The following ITGAV variants were observed in gnomAD, a reference collection of about 807,000 sequenced individuals.
ITGAV encodes integrin subunit alpha V.
In ITGAV, 76 loss-of-function variants were observed where a neutral mutation model predicts 143.8. The ratio of observed to expected loss-of-function variants is 0.53; its 90% CI spans 0.44 to 0.64. The LOEUF (loss-of-function observed/expected upper bound fraction) is 0.64. Among genes scored for constraint, ITGAV ranks in the 30% least tolerant of loss-of-function variants. The pLI is 0.00. For missense variants in ITGAV, 1,193 were observed against 1,274.7 expected, an observed-to-expected ratio of 0.94 and a Z score of 0.98; for synonymous variants, 453 against 446.7, an observed-to-expected ratio of 1.01 and a Z score of -0.18.
intron 4 of ITGAV, 114 bp from the exon 5 acceptor site, chr2:186,630,683 A>G (rs1238971388): frequency 1.6e-6 from 1 of 623,954 alleles, no homozygotes. Flanking sequence ...GTGAATGACC[A>G]CTCTCAAAAA....
chr2:186,590,627 T>A, intron 1 of ITGAV, 104 bp downstream of exon 1: 1 of 1,081,134 alleles, frequency 9.2e-7, no homozygotes, highest in South Asian at 1.6e-5. Context: ...CCGGCGTCTG[T>A]CTGTCTCACC....
chr2:186,619,032 G>C (rs563027509), intron 2 of ITGAV, among the ~76,000 whole-genome samples: 1 of 151,378 alleles, frequency 6.6e-6, no homozygotes, highest in Non-Finnish European at 1.5e-5. Context: ...AATGGATAAA[G>C]AAAACATGGT....
chr2:186,656,363 G>A lies in ITGAV; in HGVS notation c.1681G>A (p.Gly561Arg). The change falls in exon 17 of 30, where the codon GGA becomes AGA. Residue 561 changes from glycine (G) to arginine (R), a missense_variant. Physicochemically the swap from Gly to Arg is moderately radical, Grantham distance 125. Transcript: ENST00000261023. Reference sequence around the variant, plus strand: ...CAAGAACATGACTATTTCAAGGGGGGGACTGATGCAGTGTGAGGAATTGAT... The same window carrying A: ...CAAGAACATGACTATTTCAAGGGGGAGACTGATGCAGTGTGAGGAATTGAT... ...HSKNMTISRG[G>R]LMQCEELIAY... 1.9e-6 allele frequency: 3 copies of A among 1,549,282 alleles called. No individual in the cohort carries two copies. The highest frequency in any genetic ancestry group is 2.6e-6 in the Non-Finnish European group (3 of 1,155,012).
chr2:186,648,505 C>T (rs560731293), intron 13 of ITGAV, among the ~76,000 whole-genome samples: 38 of 152,298 alleles, frequency 2.5e-4, no homozygotes, highest in Non-Finnish European at 4.9e-4. Context: ...CGCTCTGTTA[C>T]CCAGGCTGGA....
chr2:186,650,269 C>T (rs905910992), intron 14 of ITGAV, among the ~76,000 whole-genome samples: 16 of 152,160 alleles, frequency 1.1e-4, no homozygotes, highest in African/African-American at 3.4e-4. Context: ...GGGACCATCT[C>T]GGCTCCCTGA....
chr2:186,664,885 A>G lies in ITGAV; in HGVS notation c.2074-241A>G, dbSNP rs187294488. 1.8e-3 allele frequency among the ~76,000 whole-genome samples: 268 copies of G among 152,304 alleles called. 1 individual carries two copies. The highest frequency in any genetic ancestry group is 6.0e-3 in the African/African-American group (250 of 41,574). On this transcript the variant is annotated intron_variant, in intron 20 of 29. Transcript: ENST00000261023. ...ACAAGGTTAGATAGATAAAGTGTCT[A>G]AGCCTGTCCATCAAATTATTTGTCA...
intron 2 of ITGAV, among the ~76,000 whole-genome samples, chr2:186,620,243 CTT>C (rs903906951): frequency 6.6e-6 from 1 of 152,132 alleles, no homozygotes; most frequent in African/African-American, 2.4e-5. Context: ...ATGATTATCT[CTT>C]GTGTTAGAGA....
intron 2 of ITGAV, among the ~76,000 whole-genome samples, 174 bp downstream of exon 2, chr2:186,602,325 G>A (rs1686933380): frequency 6.6e-6 from 1 of 151,974 alleles, no homozygotes; most frequent in Non-Finnish European, 1.5e-5. Flanking sequence ...TACAATTTTT[G>A]TGGTAGATGA....
intron 1 of ITGAV, among the ~76,000 whole-genome samples, chr2:186,594,722 T>C (rs1686700639): frequency 6.6e-6 from 1 of 152,256 alleles, no homozygotes; most frequent in African/African-American, 2.4e-5. Context: ...CCAACCTGTG[T>C]GTATTTTTAA....
At position 186,590,245 on chromosome 2, in the gene ITGAV, C is replaced by T. The variant is rs1001799031; in HGVS notation, c.-94C>T. 20 of 1,127,414 alleles carry T rather than the reference C, an allele frequency of 1.8e-5. No individual in the cohort carries two copies. The Admixed American group carries it at 5.5e-4, about 31-fold the overall frequency. The allele number at this position is 1,127,414 out of a possible 1,614,324, so 69.8% of individuals were successfully genotyped here. A position where few individuals can be genotyped will look rare whatever the true frequency, so the allele number is the denominator to read the frequency against. ...AGAGAGCGGCCGGCAAGTTTGGGCG[C>T]GCGCAGGCGGCGGGCCGCGGGCACT... is the stretch of plus-strand genomic sequence containing the variant. On this transcript the variant is annotated 5_prime_UTR_variant, in exon 1 of 30. Transcript: ENST00000261023.
intron 1 of ITGAV, among the ~76,000 whole-genome samples, chr2:186,591,989 G>A (rs894469414): frequency 6.6e-6 from 1 of 152,082 alleles, no homozygotes; most frequent in Non-Finnish European, 1.5e-5. Flanking sequence ...AATACCAAAC[G>A]TTATCTTTAA....
intron 8 of ITGAV, 140 bp from the exon 9 acceptor site, chr2:186,638,137 G>A (rs901811784): frequency 2.0e-5 from 14 of 690,296 alleles, no homozygotes; most frequent in East Asian, 5.4e-5. Context: ...TATTTATTAC[G>A]GAGTACCAAT....
chr2:186,667,930 T>A (rs1322652617), intron 24 of ITGAV, 154 bp downstream of exon 24: 3 of 391,444 alleles, frequency 7.7e-6, no homozygotes, highest in Non-Finnish European at 1.4e-5. Flanking sequence ...ATTTTCCCTA[T>A]ACATAAATTC....
At chr2:186,647,193 AT>A (rs1054089171) in intron 13 of ITGAV, among the ~76,000 whole-genome samples, 2 of 150,772 alleles carry the variant, frequency 1.3e-5, no homozygotes, top group African/African-American at 4.9e-5. Context: ...TATCTTTTTT[AT>A]TTTTTTAATT....
At chr2:186,659,217 T>G in intron 18 of ITGAV, 42 bp downstream of exon 18, 1 of 1,344,906 alleles carries the variant, frequency 7.4e-7, no homozygotes, top group Non-Finnish European at 9.8e-7. Flanking sequence ...TTTTGTTATT[T>G]TTTTTTACAA....
chr2:186,636,944 G>T (rs1344700142), intron 7 of ITGAV, 121 bp from the exon 8 acceptor site: 1 of 769,208 alleles, frequency 1.3e-6, no homozygotes, highest in Non-Finnish European at 2.3e-6. Context: ...ATGACTAGGG[G>T]ACAAAATATT....
At chr2:186,654,527 CATG>C in intron 15 of ITGAV, 120 bp from the exon 16 acceptor site, 1 of 537,416 alleles carries the variant, frequency 1.9e-6, no homozygotes, top group Non-Finnish European at 3.3e-6. Flanking sequence ...AATATTAAGA[CATG>C]AAGAAAGATG....
In ITGAV at chr2:186,678,231, G is replaced by A. The variant is rs199555239; in HGVS notation, c.*939G>A. 6.5e-6 allele frequency: 1 copy of A among 152,796 alleles called. No individual in the cohort carries two copies. Among genetic ancestry groups the A allele is most frequent in the Non-Finnish European group, 1.5e-5 (1 of 68,438 alleles). 9.5% of individuals were successfully genotyped at this position (152,796 alleles called of 1,614,324 possible). A position where few individuals can be genotyped will look rare whatever the true frequency, so the allele number is the denominator to read the frequency against. ...ATATAGTAAGTATTACATTCTTAGA[G>A]TAGAGCAGAGTTTTTAGTTAGTATT... On this transcript the variant is annotated 3_prime_UTR_variant, in exon 30 of 30. Coordinates refer to ENST00000261023, the MANE Select transcript of ITGAV (RefSeq NM_002210.5).
intron 15 of ITGAV, among the ~76,000 whole-genome samples, chr2:186,653,193 C>T (rs1486029476): frequency 6.6e-6 from 1 of 152,048 alleles, no homozygotes; most frequent in African/African-American, 2.4e-5. Context: ...GATCCACCCG[C>T]CTCGGCCTCC....
Sources: gnomAD v4.1 joint callset for allele counts (sites outside exome capture counted in the v4.1 genomes callset) on GRCh38, gnomAD v4.1.1 for gene constraint, MANE v1.5 for transcripts, NCBI Gene and HGNC (gene_info 2026-07-23, HGNC 2026-07-21) for gene names.